BSN: variants seen among roughly 807,000 people sequenced by gnomAD.
BSN encodes bassoon presynaptic cytomatrix protein.
In BSN, 57 loss-of-function variants were observed where a neutral mutation model predicts 264.8. The observed-to-expected ratio is 0.22, with a 90% CI of 0.17 to 0.27. The LOEUF (loss-of-function observed/expected upper bound fraction) is 0.27, where lower values mean the gene tolerates loss of function less well. Among genes scored for constraint, BSN ranks in the 10% least tolerant of loss-of-function variants. The pLI is 1.00. For missense variants in BSN, 4,615 were observed against 5,232.5 expected (o/e 0.88, Z 3.64); for synonymous variants, 2,059 against 2,137.3 (o/e 0.96, Z 1.01).
In BSN at chr3:49,652,190, C is replaced by A; in HGVS notation, c.2634C>A (p.Gly878=). 6.2e-7 allele frequency: 1 copy of A among 1,613,794 alleles called. No individual in the cohort carries two copies. Among genetic ancestry groups the A allele is most frequent in the Non-Finnish European group, 8.5e-7 (1 of 1,179,888 alleles). The stretch of plus-strand genomic sequence containing the variant: ...CCAAACATGGCACCCAGAAAGGTGG[C>A]CCCAGACCCAGGCCTGAGCCTAGCC... The part of the protein sequence containing the change: ...GLAKHGTQKG[G]PRPRPEPSQE... Residue 878 remains glycine, a synonymous_variant, in exon 5 of 12, where the codon GGC becomes GGA. Coordinates refer to ENST00000296452, the MANE Select transcript of BSN (RefSeq NM_003458.4).
chr3:49,662,597 C>T, intron 6 of BSN, 35 bp downstream of exon 6: 1 of 1,550,690 alleles, frequency 6.4e-7, no homozygotes, highest in South Asian at 1.3e-5. Flanking sequence ...TGCGGATACT[C>T]AGCAGCTGGG....
chr3:49,652,824 T>A lies in BSN; in HGVS notation c.3268T>A (p.Ser1090Thr). The A allele has an allele frequency of 6.3e-7, 1 of 1,581,834 alleles. No individual in the cohort carries two copies. The highest frequency in any genetic ancestry group is 8.6e-7 in the Non-Finnish European group (1 of 1,163,084). ...ELRAQRRRER[S>T]KTPPSNLSPI... ...GCGGGCCCAGCGGAGGCGAGAGCGC[T>A]CCAAGACACCACCCAGTAACTTGTC... The change falls in exon 5 of 12, where the codon TCC becomes ACC. Residue 1090 changes from serine (S) to threonine (T), a missense_variant. Ser to Thr is a moderately conservative substitution (Grantham distance 58). Around this residue, in one of 3 missense-constraint regions of BSN, gnomAD observed 3,415 missense variants for 3,866.4 expected, o/e 0.88. Transcript: ENST00000296452.
Position 49,652,167 on chromosome 3 carries a change from A to G in BSN, c.2611A>G (p.Lys871Glu), listed in dbSNP as rs765531690. The G allele has an allele frequency of 6.2e-7, 1 of 1,614,006 alleles. No homozygotes were observed. The stretch of plus-strand genomic sequence containing the variant: ...TGCCACCTCCGGGCGTGGCCTGGCC[A>G]AACATGGCACCCAGAAAGGTGGCCC... ...DTATSGRGLA[K>E]HGTQKGGPRP... is the part of the protein sequence containing the mutation. Residue 871 changes from lysine (K) to glutamate (E), a missense_variant, in exon 5 of 12, where the codon AAA (lysine) becomes GAA (glutamate). Lys to Glu is a moderately conservative substitution (Grantham distance 56). Transcript: ENST00000296452.
intron 1 of BSN, among the ~76,000 whole-genome samples, chr3:49,621,444 C>G (rs1440534983): frequency 1.3e-5 from 2 of 151,950 alleles, no homozygotes; most frequent in Non-Finnish European, 2.9e-5. Flanking sequence ...AAAGGTGTGG[C>G]CAGGCAGGAG....
Position 49,642,608 on chromosome 3 carries a change from C to G in BSN, c.974C>G (p.Pro325Arg). The G allele has an allele frequency of 6.2e-7, 1 of 1,603,132 alleles. No individual in the cohort carries two copies. The highest frequency in any genetic ancestry group is 8.5e-7 in the Non-Finnish European group (1 of 1,173,616). The stretch of plus-strand genomic sequence containing the variant: ...CCCAGGCCACCTGCAGGAGAGGCCC[C>G]GGCCAAAAGTGCCACCGCAGTGCCC... ...AEPRPPAGEA[P>R]AKSATAVPAG... The change falls in exon 3 of 12, where the codon CCG becomes CGG. Residue 325 changes from proline to arginine, a missense_variant. Physicochemically the swap from Pro to Arg is moderately radical, Grantham distance 103. Around this residue, in one of 3 missense-constraint regions of BSN, gnomAD observed 1,197 missense variants for 1,348.0 expected, o/e 0.89. Transcript: ENST00000296452. The surrounding 1 kb of genome is among the most constrained non-coding windows in gnomAD (Gnocchi z 7.0).
At chr3:49,555,198 C>G (rs533016232) in intron 1 of BSN, among the ~76,000 whole-genome samples, 3 of 152,210 alleles carry the variant, frequency 2.0e-5, no homozygotes, top group African/African-American at 7.2e-5. Flanking sequence ...CTGCTGGTGT[C>G]TGCATGTGTC....
rs2052577316 is a variant in BSN at position 49,654,522 on chromosome 3, C to T, written c.4966C>T (p.Pro1656Ser). The T allele has an allele frequency of 1.2e-6, 2 of 1,610,776 alleles. No homozygotes were observed. The highest frequency in any genetic ancestry group is 1.7e-6 in the Non-Finnish European group (2 of 1,178,442). Residue 1656 changes from proline (P) to serine (S), a missense_variant, in exon 5 of 12, where the codon CCA (proline) becomes TCA (serine). By Grantham distance (74) the Pro-to-Ser change is moderately conservative (BLOSUM62 -1). Coordinates refer to ENST00000296452, the MANE Select transcript of BSN (RefSeq NM_003458.4). The surrounding 1 kb of genome is among the most constrained non-coding windows in gnomAD (Gnocchi z 4.1). ...SSVPGTSRVEPGPRTPGTAVV... is the reference protein window; with the variant it reads ...SSVPGTSRVESGPRTPGTAVV... ...TGTCCCTGGGACGTCTAGGGTTGAG[C>T]CAGGCCCCAGGACCCCTGGCACTGC...
intron 2 of BSN, among the ~76,000 whole-genome samples, chr3:49,633,870 A>G (rs892154011): frequency 6.6e-6 from 1 of 152,226 alleles, no homozygotes; most frequent in African/African-American, 2.4e-5. Context: ...AGAGTAGTCA[A>G]AGTCACAGAG....
rs1193575613 is a variant in BSN, at chr3:49,660,596, G to T, written c.8751G>T (p.Leu2917=). 6.2e-7 allele frequency: 1 copy of T among 1,612,602 alleles called. No homozygotes were observed. ...LPLAGQASPQ[L]YAASLLQRGL... Reference sequence around the variant, plus strand: ...TGGCTGGCCAGGCCTCCCCACAGCTGTATGCAGCCAGCCTGCTGCAGCGAG... The same window carrying T: ...TGGCTGGCCAGGCCTCCCCACAGCTTTATGCAGCCAGCCTGCTGCAGCGAG... Residue 2917 remains leucine (L), a synonymous_variant, in exon 6 of 12, where the codon CTG becomes CTT. Transcript: ENST00000296452. This position sits in a 1 kb window ranked among gnomAD's most constrained non-coding sequence, Gnocchi z 7.1.
At chr3:49,672,941 A>G (rs1479776976), downstream of BSN, among the ~76,000 whole-genome samples, 11 of 149,490 alleles carry the variant, frequency 7.4e-5, 1 homozygote, top group African/African-American at 2.5e-5. Context: ...CACCATGCCC[A>G]GCTAATTTTT....
At chr3:49,630,809 A>G (rs1248124214) in intron 2 of BSN, among the ~76,000 whole-genome samples, 1 of 152,204 alleles carries the variant, frequency 6.6e-6, no homozygotes, top group East Asian at 1.9e-4. Context: ...GAGTTGGAAG[A>G]AGTGGAAGAA....
At chr3:49,608,349 A>G (rs1200792677) in intron 1 of BSN, among the ~76,000 whole-genome samples, 1 of 152,222 alleles carries the variant, frequency 6.6e-6, no homozygotes, top group African/African-American at 2.4e-5. Flanking sequence ...GGCATGTGGA[A>G]CCATGGACAC....
chr3:49,607,513 G>A (rs2052164053), intron 1 of BSN, among the ~76,000 whole-genome samples: 1 of 152,212 alleles, frequency 6.6e-6, no homozygotes, highest in Non-Finnish European at 1.5e-5. Context: ...GATCACATAT[G>A]CTGTCACATG....
At chr3:49,613,225 T>G (rs760596036) in intron 1 of BSN, among the ~76,000 whole-genome samples, 6 of 148,406 alleles carry the variant, frequency 4.0e-5, no homozygotes, top group Non-Finnish European at 7.4e-5. Flanking sequence ...GTGGTGTCAC[T>G]CAATTCCAAA....
intron 9 of BSN, 31 bp from the exon 10 acceptor site, chr3:49,664,768 C>CTG: frequency 6.2e-7 from 1 of 1,613,800 alleles, no homozygotes. Flanking sequence ...GCCCAATTTC[C>CTG]TGATGGCTCT....
In BSN at chr3:49,661,406, C is replaced by T. The variant is rs141724159; in HGVS notation, c.9561C>T (p.Ser3187=). Residue 3187 remains serine (S), a synonymous_variant, in exon 6 of 12, where the codon AGC becomes AGT. Transcript: ENST00000296452. ...GCTACAGTGGCCCAGCAGTGAGCAG[C>T]GGCTATGAGCAGGGCAAGGTCCCTG... is the stretch of plus-strand genomic sequence containing the variant. The part of the protein sequence containing the change: ...ETSYSGPAVS[S]GYEQGKVPEV... 1,064 of 1,613,974 alleles carry T rather than the reference C, an allele frequency of 6.6e-4. 2 individuals carry two copies. Among genetic ancestry groups the T allele is most frequent in the Non-Finnish European group, 8.6e-4 (1,011 of 1,180,036 alleles).
In BSN at chr3:49,654,038, C is replaced by G; in HGVS notation, c.4482C>G (p.Gly1494=). 6.2e-7 allele frequency: 1 copy of G among 1,613,802 alleles called. No homozygotes were observed. Among genetic ancestry groups the G allele is most frequent in the Non-Finnish European group, 8.5e-7 (1 of 1,179,928 alleles). ...CAGAGAGTCCCACATTCTCCCCTGGCAAGATGGGCCCAAGGGCCACAGCAG... is the reference window on the plus strand; with the variant it reads ...CAGAGAGTCCCACATTCTCCCCTGGGAAGATGGGCCCAAGGGCCACAGCAG... ...SPSESPTFSP[G]KMGPRATAEF... The change falls in exon 5 of 12, where the codon GGC becomes GGG. Residue 1494 remains glycine (G), a synonymous_variant. Coordinates refer to ENST00000296452, the MANE Select transcript of BSN (RefSeq NM_003458.4). The surrounding 1 kb of genome is among the most constrained non-coding windows in gnomAD (Gnocchi z 4.1).
In BSN at chr3:49,603,672, G is replaced by A. The variant is rs552420872; in HGVS notation, c.225-21303G>A. ...TTAGAAGGGTTCTCTGATCTTACAC[G>A]GGGATTCTCTCTTTCTCTGTGAATT... On this transcript the variant is annotated intron_variant, in intron 1 of 11. Coordinates refer to ENST00000296452, the MANE Select transcript of BSN (RefSeq NM_003458.4). Among the ~76,000 whole-genome samples the A allele has an allele frequency of 4.6e-5, 7 of 152,236 alleles. No individual in the cohort carries two copies. In the East Asian group the frequency reaches 5.8e-4, roughly 13 times the overall value.
At chr3:49,602,327 G>A (rs1392166343) in intron 1 of BSN, among the ~76,000 whole-genome samples, 3 of 152,198 alleles carry the variant, frequency 2.0e-5, no homozygotes, top group Non-Finnish European at 4.4e-5. Flanking sequence ...AGGTCAGGAA[G>A]GGTCATGGAG....
Sources: allele counts gnomAD v4.1 joint callset (sites outside exome capture counted in the v4.1 genomes callset), GRCh38; gene constraint gnomAD v4.1.1; regional missense constraint gnomAD v4.1.1; non-coding constraint Gnocchi (gnomAD v3.1); transcripts MANE v1.5; gene names NCBI Gene and HGNC (gene_info 2026-07-23, HGNC 2026-07-21).